The following GSPT1 variants were observed in gnomAD, a reference collection of about 807,000 sequenced individuals.
The protein encoded by GSPT1 is eukaryotic peptide chain release factor GTP-binding subunit ERF3A.
A neutral mutation model predicts 72.5 loss-of-function variants in GSPT1; 20 were observed. That is an observed-to-expected ratio of 0.28 (90% CI 0.19 to 0.40). GSPT1 has a LOEUF of 0.40. GSPT1 is among the 10% of genes least tolerant of loss of function. The pLI, the probability that GSPT1 is intolerant of heterozygous loss-of-function variation, is 1.00. For missense variants in GSPT1, 580 were observed against 811.9 expected, an observed-to-expected ratio of 0.71 and a Z score of 3.47; for synonymous variants, 334 against 293.5, an observed-to-expected ratio of 1.14 and a Z score of -1.41.
intron 8 of GSPT1, 72 bp downstream of exon 8, chr16:11,886,705 A>C: frequency 1.3e-6 from 2 of 1,553,348 alleles, no homozygotes; most frequent in Non-Finnish European, 1.8e-6. Flanking sequence ...GAAAAACCCT[A>C]GAGAAAAAGT....
chr16:11,892,156 C>A (rs1341436234), intron 5 of GSPT1, among the ~76,000 whole-genome samples: 1 of 150,288 alleles, frequency 6.7e-6, no homozygotes, highest in Admixed American at 6.6e-5. Context: ...CCAGCCAGTG[C>A]AACACAGTGA....
intron 9 of GSPT1, 83 bp downstream of exon 9, chr16:11,886,388 T>C: frequency 2.4e-6 from 2 of 826,118 alleles, no homozygotes; most frequent in Non-Finnish European, 1.9e-6. Context: ...TATGTTAACA[T>C]GTTACTCAGC....
chr16:11,911,803 C>T lies in GSPT1; in HGVS notation c.352+3566G>A, dbSNP rs540219405. 5.4e-5 allele frequency among the ~76,000 whole-genome samples: 8 copies of T among 149,092 alleles called. No individual in the cohort carries two copies. In the East Asian group the frequency reaches 1.0e-3, roughly 19 times the overall value. ...CTGACCTCAGGTGATCCGTCCACCT[C>T]GGCCTCCCAAAGTGCTGGGATTACA... On this transcript the variant is annotated intron_variant, in intron 1 of 14. Coordinates refer to ENST00000434724, the MANE Select transcript of GSPT1 (RefSeq NM_002094.4).
upstream of GSPT1, chr16:11,916,063 T>C: frequency 1.8e-6 from 1 of 567,226 alleles, no homozygotes; most frequent in East Asian, 4.4e-5. Context: ...TAGTTCTCTG[T>C]TCTGGCCGCC....
chr16:11,894,853 G>T, intron 5 of GSPT1, 101 bp downstream of exon 5: 1 of 693,446 alleles, frequency 1.4e-6, no homozygotes. Flanking sequence ...TTCTTTGGGG[G>T]ACCTGTTTTA....
intron 1 of GSPT1, among the ~76,000 whole-genome samples, chr16:11,907,428 G>A (rs2054503367): frequency 6.6e-6 from 1 of 152,180 alleles, no homozygotes. Context: ...TCAAGAGAAT[G>A]TTGTGAAGAC....
intron 4 of GSPT1, 57 bp downstream of exon 4, chr16:11,896,501 A>C: frequency 1.1e-6 from 1 of 919,168 alleles, no homozygotes; most frequent in Non-Finnish European, 1.7e-6. Context: ...GGTAGCTAAA[A>C]AGGATGTTCT....
At chr16:11,880,100 T>G (rs1354225738) in intron 11 of GSPT1, 1 of 152,516 alleles carries the variant, frequency 6.6e-6, no homozygotes, top group Non-Finnish European at 1.5e-5. Context: ...GTATTTGTCT[T>G]TTTGTGACTG....
chr16:11,896,232 C>G (rs984632639), intron 4 of GSPT1, among the ~76,000 whole-genome samples: 1 of 152,122 alleles, frequency 6.6e-6, no homozygotes, highest in African/African-American at 2.4e-5. Context: ...AACTGAGGTT[C>G]ACATAAAAAA....
rs2054189036 is a variant in GSPT1 at position 11,886,605 on chromosome 16, T to G, written c.1119A>C (p.Glu373Asp). The change falls in exon 9 of 15, where the codon GAA (glutamate) becomes GAC (aspartate). Residue 373 changes from glutamate to aspartate, a missense_variant. Around this residue, in one of 6 missense-constraint regions of GSPT1, gnomAD observed 34 missense variants for 62.0 expected, o/e 0.55. Transcript: ENST00000434724. ...PTVNWSNERY[E>D]ECKEKLVPFL... Reference sequence around the variant, plus strand: ...ATGGCACTAGTTTCTCCTTACATTCTTCATATCTGCAATTATAATGTAACC... The same window carrying G: ...ATGGCACTAGTTTCTCCTTACATTCGTCATATCTGCAATTATAATGTAACC... The G allele has an allele frequency of 6.2e-7, 1 of 1,609,848 alleles. No individual in the cohort carries two copies. The highest frequency in any genetic ancestry group is 1.3e-5 in the African/African-American group (1 of 74,858).
At chr16:11,882,628 A>T (rs896229490) in intron 11 of GSPT1, 3 of 159,768 alleles carry the variant, frequency 1.9e-5, no homozygotes, top group Non-Finnish European at 4.1e-5. Flanking sequence ...GCCTCAGGTT[A>T]TCTGCAAATC....
At chr16:11,910,935 A>G (rs2054549477) in intron 1 of GSPT1, among the ~76,000 whole-genome samples, 1 of 152,182 alleles carries the variant, frequency 6.6e-6, no homozygotes, top group African/African-American at 2.4e-5. Context: ...CCTCAGTCTC[A>G]AGCCATTCAT....
chr16:11,903,006 C>T (rs796742001), intron 1 of GSPT1, among the ~76,000 whole-genome samples: 11 of 152,036 alleles, frequency 7.2e-5, no homozygotes, highest in African/African-American at 2.4e-4. Flanking sequence ...TGTGAGCCAC[C>T]GCGCCCGGCT....
chr16:11,868,880 C>T lies in GSPT1; in HGVS notation c.*4239G>A, dbSNP rs2053948368. 1 of 152,174 alleles carries T rather than the reference C, an allele frequency of 6.6e-6. No individual in the cohort carries two copies. The highest frequency in any genetic ancestry group is 2.1e-4 in the South Asian group (1 of 4,832). 9.4% of individuals were successfully genotyped at this position (152,174 alleles called of 1,614,324 possible). A position where few individuals can be genotyped will look rare whatever the true frequency, so the allele number is the denominator to read the frequency against. On this transcript the variant is annotated 3_prime_UTR_variant, in exon 15 of 15. Coordinates refer to ENST00000434724, the MANE Select transcript of GSPT1 (RefSeq NM_002094.4). ...TTTTCTGCCTAATCAGAAGTAGTAC[C>T]AACCTGCTTTTCCCTTATATTGGAG...
At position 11,915,798 on chromosome 16, in the gene GSPT1, A is replaced by G. The variant is rs892216806; in HGVS notation, c.-78T>C. On this transcript the variant is annotated 5_prime_UTR_variant, in exon 1 of 15. Transcript: ENST00000434724. ...GCGCCCGGCCGGAGAGGAGTGGGCA[A>G]CGCTGACTGAGGGAAGGCGGCGGGG... is the stretch of plus-strand genomic sequence containing the variant. 2 of 1,574,362 alleles carry G rather than the reference A, an allele frequency of 1.3e-6. No homozygotes were observed. The highest frequency in any genetic ancestry group is 2.7e-5 in the African/African-American group (2 of 73,724).
rs535682331 is a variant in GSPT1, at chr16:11,877,109, T to C, written c.1602+298A>G. On this transcript the variant is annotated intron_variant, in intron 12 of 14. Coordinates refer to ENST00000434724, the MANE Select transcript of GSPT1 (RefSeq NM_002094.4). This position sits in a 1 kb window ranked among gnomAD's most constrained non-coding sequence, Gnocchi z 4.0. ...CATAAACCATGACTTCCACAGTAAC[T>C]GTGCTCTGGTCAAAGTGAATATTAG... is the stretch of plus-strand genomic sequence containing the variant. Among the ~76,000 whole-genome samples the C allele has an allele frequency of 6.6e-6, 1 of 152,328 alleles. No homozygotes were observed. The highest frequency in any genetic ancestry group is 1.9e-4 in the East Asian group (1 of 5,182).
chr16:11,877,446 A>G lies in GSPT1; in HGVS notation c.1563T>C (p.Pro521=). Residue 521 remains proline, a synonymous_variant, in exon 12 of 15, where the codon CCT becomes CCC. Transcript: ENST00000434724. The surrounding 1 kb of genome is among the most constrained non-coding windows in gnomAD (Gnocchi z 4.0). ...EILPGFILCD[P]NNLCHSGRTF... The stretch of plus-strand genomic sequence containing the variant: ...TGCGTCCAGAATGACAAAGATTATT[A>G]GGATCACAAAGTATAAACCCTGGAA... 1 of 1,601,034 alleles carries G rather than the reference A, an allele frequency of 6.2e-7. No homozygotes were observed.
chr16:11,913,775 A>G (rs567668921), intron 1 of GSPT1, among the ~76,000 whole-genome samples: 3 of 152,250 alleles, frequency 2.0e-5, no homozygotes, highest in Non-Finnish European at 4.4e-5. Context: ...ATGTAAGTCA[A>G]GAATTACAAG....
chr16:11,916,020 G>C, upstream of GSPT1: 1 of 659,118 alleles, frequency 1.5e-6, no homozygotes, highest in Non-Finnish European at 2.8e-6. Flanking sequence ...GGCGCGGATT[G>C]ACCCCTCGCC....
Sources: gnomAD v4.1 joint callset for allele counts (sites outside exome capture counted in the v4.1 genomes callset) on GRCh38, gnomAD v4.1.1 for gene constraint, gnomAD v4.1.1 regional missense constraint, Gnocchi (gnomAD v3.1) non-coding constraint, MANE v1.5 for transcripts, NCBI Gene and HGNC (gene_info 2026-07-23, HGNC 2026-07-21) for gene names.